The following RABGAP1L variants were observed in gnomAD, a reference collection of about 807,000 sequenced individuals.
RABGAP1L encodes RAB GTPase activating protein 1 like.
In RABGAP1L, 63 loss-of-function variants were observed where a neutral mutation model predicts 137.7. The observed-to-expected ratio is 0.46, with a 90% CI of 0.37 to 0.56. The LOEUF (loss-of-function observed/expected upper bound fraction) is 0.56, where lower values mean the gene tolerates loss of function less well. Ranked by LOEUF, RABGAP1L falls within the 20% of genes least tolerant of loss-of-function variation. RABGAP1L has a pLI of 0.00. For missense variants in RABGAP1L, 1,095 were observed against 1,244.0 expected (o/e 0.88, Z 1.80); for synonymous variants, 431 against 433.7 (o/e 0.99, Z 0.08).
chr1:174,674,978 C>G (rs1162552587), intron 14 of RABGAP1L, among the ~76,000 whole-genome samples: 2,172 of 121,210 alleles, frequency 0.018, no homozygotes, highest in South Asian at 0.023. Context: ...ATTGTAGATT[C>G]TGGATATTAG....
chr1:174,780,720 A>AC (rs1332463887), intron 18 of RABGAP1L, among the ~76,000 whole-genome samples: 1 of 25,344 alleles, frequency 3.9e-5, no homozygotes, highest in Non-Finnish European at 8.1e-5. Context: ...CCTCCCCCCC[A>AC]CCCCCCCACC....
At chr1:174,237,074 A>C (rs1231777528) in intron 4 of RABGAP1L, among the ~76,000 whole-genome samples, 2 of 147,494 alleles carry the variant, frequency 1.4e-5, no homozygotes, top group African/African-American at 5.0e-5. Context: ...CTGTTTTATC[A>C]GAGACTAGGA....
At chr1:174,726,155 G>A (rs1681963256) in intron 17 of RABGAP1L, among the ~76,000 whole-genome samples, 2 of 152,078 alleles carry the variant, frequency 1.3e-5, no homozygotes, top group South Asian at 4.1e-4. Context: ...TTAGATTTGT[G>A]TTTGCTTAAT....
At chr1:174,863,037 G>A (rs898929497) in intron 19 of RABGAP1L, among the ~76,000 whole-genome samples, 1 of 151,546 alleles carries the variant, frequency 6.6e-6, no homozygotes, top group African/African-American at 2.4e-5. Context: ...TGGGACTACA[G>A]GCGCACCTAC....
intron 14 of RABGAP1L, among the ~76,000 whole-genome samples, chr1:174,673,186 TTAAA>T (rs1228810224): frequency 6.6e-6 from 1 of 152,208 alleles, no homozygotes; most frequent in South Asian, 2.1e-4. Context: ...TTAAATAAAA[TTAAA>T]TAAGTAAAAG....
At chr1:174,238,272 G>A (rs528756572) in intron 4 of RABGAP1L, among the ~76,000 whole-genome samples, 1 of 152,088 alleles carries the variant, frequency 6.6e-6, no homozygotes, top group African/African-American at 2.4e-5. Flanking sequence ...CTCTCAGCTC[G>A]TCAGTCATTC....
At chr1:174,213,475 A>C (rs552577951) in intron 1 of RABGAP1L, among the ~76,000 whole-genome samples, 1 of 152,310 alleles carries the variant, frequency 6.6e-6, no homozygotes, top group Admixed American at 6.5e-5. Flanking sequence ...TCATTCTAAG[A>C]GGCTAATATT....
At chr1:174,779,007 G>A (rs1428711542) in intron 18 of RABGAP1L, among the ~76,000 whole-genome samples, 1 of 152,156 alleles carries the variant, frequency 6.6e-6, no homozygotes, top group Non-Finnish European at 1.5e-5. Context: ...AATAACTGTA[G>A]TGATTCTATA....
chr1:174,344,724 T>A (rs1256016209), intron 11 of RABGAP1L, among the ~76,000 whole-genome samples: 3 of 152,212 alleles, frequency 2.0e-5, no homozygotes, highest in Non-Finnish European at 2.9e-5. Flanking sequence ...TTTCTAGTTA[T>A]TAATAATAAG....
chr1:174,206,519 T>C (rs1257246697), intron 1 of RABGAP1L, among the ~76,000 whole-genome samples: 1 of 152,224 alleles, frequency 6.6e-6, no homozygotes. Flanking sequence ...ACTTTTGTTA[T>C]GGATCTCCTA....
At chr1:174,371,943 G>C (rs77793853) in intron 12 of RABGAP1L, among the ~76,000 whole-genome samples, 2 of 152,076 alleles carry the variant, frequency 1.3e-5, no homozygotes, top group Non-Finnish European at 2.9e-5. Context: ...CAGTTCCAAC[G>C]GTTGGAATAC....
intron 13 of RABGAP1L, among the ~76,000 whole-genome samples, chr1:174,466,718 C>T (rs775299349): frequency 2.0e-5 from 3 of 152,090 alleles, no homozygotes; most frequent in Non-Finnish European, 2.9e-5. Context: ...ATCTGGAAGG[C>T]GGAGGCTACA....
At chr1:174,813,343 G>T (rs1387062180) in intron 19 of RABGAP1L, among the ~76,000 whole-genome samples, 1 of 152,078 alleles carries the variant, frequency 6.6e-6, no homozygotes, top group Non-Finnish European at 1.5e-5. Flanking sequence ...GTGAGTGTGA[G>T]GAGAAAAGAA....
At chr1:174,676,246 T>G (rs1224085108) in intron 14 of RABGAP1L, among the ~76,000 whole-genome samples, 1 of 152,126 alleles carries the variant, frequency 6.6e-6, no homozygotes, top group Non-Finnish European at 1.5e-5. Flanking sequence ...TAAGAAGGCT[T>G]TTGAATAGAT....
chr1:174,548,543 G>A (rs1387248429), intron 13 of RABGAP1L: 1 of 974,018 alleles, frequency 1.0e-6, no homozygotes, highest in Non-Finnish European at 1.2e-6. Context: ...TTTCAAAACA[G>A]TAAAATCACT....
chr1:174,756,845 A>G (rs1238144113), intron 18 of RABGAP1L: 2 of 592,268 alleles, frequency 3.4e-6, no homozygotes, highest in Non-Finnish European at 6.3e-6. Flanking sequence ...GCTTCCCAGA[A>G]AGCATCACAA....
At chr1:174,363,505 G>A (rs2148971422) in intron 11 of RABGAP1L, among the ~76,000 whole-genome samples, 1 of 152,204 alleles carries the variant, frequency 6.6e-6, no homozygotes, top group Admixed American at 6.5e-5. Context: ...CATTTCCCTA[G>A]TTAGCTGTAT....
intron 14 of RABGAP1L, among the ~76,000 whole-genome samples, chr1:174,644,719 T>C (rs1674812326): frequency 6.6e-6 from 1 of 152,164 alleles, no homozygotes; most frequent in Admixed American, 6.5e-5. Context: ...GATTATTTTA[T>C]GTTACAGAAT....
At chr1:174,775,613 G>A (rs1228334230) in intron 18 of RABGAP1L, among the ~76,000 whole-genome samples, 3 of 151,844 alleles carry the variant, frequency 2.0e-5, no homozygotes, top group South Asian at 2.1e-4. Context: ...GTGCCTGGCC[G>A]GGAGAAAACT....
Sources: allele counts gnomAD v4.1 joint callset (sites outside exome capture counted in the v4.1 genomes callset), GRCh38; gene constraint gnomAD v4.1.1; transcripts MANE v1.5; gene names NCBI Gene and HGNC (gene_info 2026-07-23, HGNC 2026-07-21).